Variants in MTSS1 observed in about 807,000 individuals in gnomAD.
MTSS1 encodes MTSS I-BAR domain containing 1.
In MTSS1, 18 loss-of-function variants were observed where a neutral mutation model predicts 79.0. That is an observed-to-expected ratio of 0.23 (90% CI 0.16 to 0.34). The LOEUF (loss-of-function observed/expected upper bound fraction) is 0.34, where lower values mean the gene tolerates loss of function less well. Ranked by LOEUF, MTSS1 falls within the 10% of genes least tolerant of loss-of-function variation. The pLI, the probability that MTSS1 is intolerant of heterozygous loss-of-function variation, is 1.00. For synonymous variants in MTSS1, 341 were observed against 368.6 expected, an observed-to-expected ratio of 0.93 and a Z score of 0.86; for missense variants, 815 against 986.2, an observed-to-expected ratio of 0.83 and a Z score of 2.33.
chr8:124,589,776 A>AT, intron 4 of MTSS1, 65 bp from the exon 5 acceptor site: 1 of 1,195,142 alleles, frequency 8.4e-7, no homozygotes, highest in South Asian at 1.3e-5. Flanking sequence ...CAGGATTTAA[A>AT]TGTGGTTGTC....
rs534575385 is a variant in MTSS1 at position 124,568,324 on chromosome 8, G to A, written c.618+55C>T. On this transcript the variant is annotated intron_variant, in intron 7 of 13. Coordinates refer to ENST00000518547, the MANE Select transcript of MTSS1 (RefSeq NM_014751.6). Reference sequence around the variant, plus strand: ...CAACAGTGGATGGATAAAATTAGAAGGAAGCCACCTCTACACCAGCAGTTT... The same window carrying A: ...CAACAGTGGATGGATAAAATTAGAAAGAAGCCACCTCTACACCAGCAGTTT... The A allele has an allele frequency of 5.4e-5, 85 of 1,564,048 alleles. No individual in the cohort carries two copies. In the African/African-American group the frequency reaches 9.6e-4, roughly 18 times the overall value.
intron 3 of MTSS1, among the ~76,000 whole-genome samples, chr8:124,668,189 G>A (rs1243332302): frequency 2.6e-5 from 4 of 152,184 alleles, no homozygotes; most frequent in Admixed American, 1.3e-4. Context: ...CAGCGCAAGC[G>A]GCCACACGTG....
At chr8:124,554,966 C>T (rs555309008) in intron 13 of MTSS1, among the ~76,000 whole-genome samples, 1 of 152,172 alleles carries the variant, frequency 6.6e-6, no homozygotes, top group African/African-American at 2.4e-5. Flanking sequence ...ACCTCAGCCT[C>T]CAGAGTAGCT....
At chr8:124,626,350 C>T (rs909220226) in intron 3 of MTSS1, among the ~76,000 whole-genome samples, 1 of 152,112 alleles carries the variant, frequency 6.6e-6, no homozygotes, top group African/African-American at 2.4e-5. Context: ...AAAAATGATC[C>T]TATAAGCCAG....
chr8:124,628,691 G>A (rs1348866228), intron 3 of MTSS1, among the ~76,000 whole-genome samples: 4 of 152,150 alleles, frequency 2.6e-5, no homozygotes, highest in Non-Finnish European at 4.4e-5. Flanking sequence ...TAAATAATAA[G>A]TTGCATGGAT....
chr8:124,653,965 T>C (rs1358766316), intron 3 of MTSS1, among the ~76,000 whole-genome samples: 3 of 152,190 alleles, frequency 2.0e-5, no homozygotes, highest in African/African-American at 7.2e-5. Context: ...ACATCCTGGT[T>C]GCAGGAAAAG....
At chr8:124,621,294 G>A (rs1587355930) in intron 3 of MTSS1, among the ~76,000 whole-genome samples, 1 of 152,180 alleles carries the variant, frequency 6.6e-6, no homozygotes, top group African/African-American at 2.4e-5. Context: ...AATATTTAAT[G>A]GTCTTAGGTT....
chr8:124,627,854 T>TA (rs1422134233), intron 3 of MTSS1, among the ~76,000 whole-genome samples: 1 of 152,144 alleles, frequency 6.6e-6, no homozygotes, highest in Non-Finnish European at 1.5e-5. Context: ...CTATTTCCCA[T>TA]AAAAACTCTT....
intron 3 of MTSS1, among the ~76,000 whole-genome samples, chr8:124,628,962 T>C (rs1021853277): frequency 3.9e-5 from 6 of 152,066 alleles, no homozygotes; most frequent in African/African-American, 1.4e-4. Context: ...GATCCCAAAG[T>C]ATCTTCAGGG....
chr8:124,557,587 G>A, intron 11 of MTSS1, 94 bp downstream of exon 11: 1 of 1,250,962 alleles, frequency 8.0e-7, no homozygotes, highest in East Asian at 2.6e-5. Context: ...GAAAGGAAGG[G>A]GATGAGGGGA....
Position 124,683,317 on chromosome 8 carries a change from G to A in MTSS1, c.208+16209C>T, listed in dbSNP as rs1241504297. On this transcript the variant is annotated intron_variant, in intron 3 of 13. Coordinates refer to ENST00000518547, the MANE Select transcript of MTSS1 (RefSeq NM_014751.6). This position sits in a 1 kb window ranked among gnomAD's most constrained non-coding sequence, Gnocchi z 4.5. ...CCCCAAAATCCTCATTCAAGGAATTGTGAACAGAAACAAAGTCTTACAATA... is the reference window on the plus strand; with the variant it reads ...CCCCAAAATCCTCATTCAAGGAATTATGAACAGAAACAAAGTCTTACAATA... 3.3e-5 allele frequency among the ~76,000 whole-genome samples: 5 copies of A among 152,198 alleles called. No individual in the cohort carries two copies. The highest frequency in any genetic ancestry group is 1.2e-4 in the African/African-American group (5 of 41,454).
At chr8:124,590,325 G>A (rs1831635339) in intron 4 of MTSS1, among the ~76,000 whole-genome samples, 1 of 152,202 alleles carries the variant, frequency 6.6e-6, no homozygotes, top group Non-Finnish European at 1.5e-5. Context: ...AAAATGCAAA[G>A]ACACCTGGGC....
At position 124,609,482 on chromosome 8, in the gene MTSS1, G is replaced by T. The variant is rs1371367286; in HGVS notation, c.209-18247C>A. Among the ~76,000 whole-genome samples the T allele has an allele frequency of 1.3e-5, 2 of 152,220 alleles. 1 individual carries two copies. Among genetic ancestry groups the T allele is most frequent in the Non-Finnish European group, 2.9e-5 (2 of 68,044 alleles). On this transcript the variant is annotated intron_variant, in intron 3 of 13. Coordinates refer to ENST00000518547, the MANE Select transcript of MTSS1 (RefSeq NM_014751.6). ...GTCTAGGACATTCACGTAACCTTCA[G>T]AGTGACTTGGTATAAAAAGGTGGGC... is the stretch of plus-strand genomic sequence containing the variant.
chr8:124,695,676 T>C (rs535050187), intron 3 of MTSS1, among the ~76,000 whole-genome samples: 8 of 152,190 alleles, frequency 5.3e-5, no homozygotes, highest in Non-Finnish European at 1.2e-4. Flanking sequence ...ATTCAGACAG[T>C]GCTACATTCA....
chr8:124,641,888 G>T lies in MTSS1; in HGVS notation c.209-50653C>A, dbSNP rs184324998. On this transcript the variant is annotated intron_variant, in intron 3 of 13. Coordinates refer to ENST00000518547, the MANE Select transcript of MTSS1 (RefSeq NM_014751.6). ...ATGTTAAACAAAAAACTGGCTCACT[G>T]GCAGATAAATCTTTTTTCCCCTCTT... is the stretch of plus-strand genomic sequence containing the variant. Among the ~76,000 whole-genome samples the T allele has an allele frequency of 2.7e-3, 417 of 152,226 alleles. 1 individual carries two copies. The highest frequency in any genetic ancestry group is 9.7e-3 in the African/African-American group (402 of 41,554).
intron 3 of MTSS1, 86 bp downstream of exon 3, chr8:124,699,440 G>C: frequency 5.8e-6 from 7 of 1,215,532 alleles, no homozygotes; most frequent in Non-Finnish European, 8.5e-6. Context: ...GATAACTTAA[G>C]CTGCATCTTC....
intron 3 of MTSS1, among the ~76,000 whole-genome samples, chr8:124,623,996 T>C (rs1482232107): frequency 6.6e-6 from 1 of 152,236 alleles, no homozygotes; most frequent in Non-Finnish European, 1.5e-5. Flanking sequence ...TCTGGGAAAG[T>C]AAGGAAACTG....
At chr8:124,701,610 C>T (rs1183048483) in intron 2 of MTSS1, among the ~76,000 whole-genome samples, 1 of 152,224 alleles carries the variant, frequency 6.6e-6, no homozygotes, top group Non-Finnish European at 1.5e-5. Context: ...GATTTATTCT[C>T]ATCCAACTCA....
intron 3 of MTSS1, among the ~76,000 whole-genome samples, chr8:124,685,176 T>G (rs1826758119): frequency 6.6e-6 from 1 of 152,172 alleles, no homozygotes; most frequent in African/African-American, 2.4e-5. Flanking sequence ...GAACTTTTCA[T>G]CATCCCGGTA....
Sources: gnomAD v4.1 joint callset for allele counts (sites outside exome capture counted in the v4.1 genomes callset) on GRCh38, gnomAD v4.1.1 for gene constraint, Gnocchi (gnomAD v3.1) non-coding constraint, MANE v1.5 for transcripts, NCBI Gene and HGNC (gene_info 2026-07-23, HGNC 2026-07-21) for gene names.